Variants in EXOC2 observed in about 807,000 individuals in gnomAD.
EXOC2 encodes the protein SEC5-like 1.
A neutral mutation model predicts 131.8 loss-of-function variants in EXOC2; 70 were observed. The observed-to-expected ratio is 0.53, with a 90% confidence interval of 0.44 to 0.65. The LOEUF (loss-of-function observed/expected upper bound fraction) is 0.65, where lower values mean the gene tolerates loss of function less well. EXOC2 is among the 30% of genes least tolerant of loss of function. The pLI, the probability that EXOC2 is intolerant of heterozygous loss-of-function variation, is 0.00. For missense variants in EXOC2, 923 were observed against 1,108.6 expected (o/e 0.83, Z 2.38); for synonymous variants, 411 against 398.4 (o/e 1.03, Z -0.38).
At position 637,765 on chromosome 6, in the gene EXOC2, C is replaced by G; in HGVS notation, c.54G>C (p.Gly18=). ...TGATTGTGACCTTCGTCCATGGTAT[C>G]CCTTCATTTGGAGAGATGCCGGTCA... ...PLVTGISPNE[G]IPWTKVTIRG... The change falls in exon 2 of 28, where the codon GGG becomes GGC. Residue 18 remains glycine, a synonymous_variant. Coordinates refer to ENST00000230449, the MANE Select transcript of EXOC2 (RefSeq NM_018303.6). The G allele has an allele frequency of 6.2e-7, 1 of 1,613,870 alleles. No individual in the cohort carries two copies. Among genetic ancestry groups the G allele is most frequent in the Non-Finnish European group, 8.5e-7 (1 of 1,179,912 alleles).
intron 10 of EXOC2, among the ~76,000 whole-genome samples, chr6:595,766 C>T (rs1759779410): frequency 6.6e-6 from 1 of 152,054 alleles, no homozygotes; most frequent in Non-Finnish European, 1.5e-5. Flanking sequence ...GGGCAGGAAA[C>T]AGCAGCCTCA....
rs1489897060 is a variant in EXOC2 at position 549,297 on chromosome 6, A to G, written c.2122-6T>C. ...ACTATCAAAAGGCGCTGTTCCTAAA[A>G]GCAAAACAAATGTTTAGAAAATCAC... On this transcript the variant is annotated splice_region_variant and splice_polypyrimidine_tract_variant and intron_variant, in intron 21 of 27. Transcript: ENST00000230449. The G allele has an allele frequency of 3.7e-6, 6 of 1,605,552 alleles. No homozygotes were observed. The highest frequency in any genetic ancestry group is 5.1e-6 in the Non-Finnish European group (6 of 1,172,528).
intron 11 of EXOC2, among the ~76,000 whole-genome samples, chr6:588,725 C>T (rs1414755434): frequency 2.6e-5 from 4 of 152,098 alleles, no homozygotes; most frequent in African/African-American, 9.7e-5. Context: ...CACATTCTTT[C>T]GATTATTTCC....
intron 13 of EXOC2, among the ~76,000 whole-genome samples, chr6:566,665 C>T (rs551280742): frequency 6.6e-6 from 1 of 151,692 alleles, no homozygotes; most frequent in South Asian, 2.1e-4. Context: ...CTACATGTTG[C>T]AGTTTGTTAG....
intron 25 of EXOC2, among the ~76,000 whole-genome samples, chr6:496,640 T>C (rs966540997): frequency 2.0e-5 from 3 of 152,224 alleles, no homozygotes; most frequent in Non-Finnish European, 2.9e-5. Context: ...AAGAAATTCA[T>C]GCGGGTGCCA....
intron 1 of EXOC2, chr6:657,020 C>G: frequency 7.9e-7 from 1 of 1,258,352 alleles, no homozygotes; most frequent in African/African-American, 1.6e-5. Flanking sequence ...CCGCTGGGGT[C>G]CGTGGCGCTG....
intron 23 of EXOC2, among the ~76,000 whole-genome samples, chr6:517,326 G>C (rs955486923): frequency 6.6e-6 from 1 of 152,018 alleles, no homozygotes; most frequent in Non-Finnish European, 1.5e-5. Flanking sequence ...CTCCCACAAA[G>C]AGGGCACAAC....
In EXOC2 at chr6:564,739, G is replaced by A. The variant is rs1757881467; in HGVS notation, c.1510-37C>T. The A allele has an allele frequency of 6.3e-6, 10 of 1,576,150 alleles. No homozygotes were observed. In the East Asian group the frequency reaches 2.3e-4, roughly 35 times the overall value. On this transcript the variant is annotated intron_variant, in intron 14 of 27. Transcript: ENST00000230449. ...GGAACAAGCATAACCGTGTTCAAATGTGATTAATCGGGTTACATTAACTAA... is the reference window on the plus strand; with the variant it reads ...GGAACAAGCATAACCGTGTTCAAATATGATTAATCGGGTTACATTAACTAA...
intron 1 of EXOC2, among the ~76,000 whole-genome samples, chr6:671,951 G>C (rs541656174): frequency 6.6e-6 from 1 of 151,928 alleles, no homozygotes; most frequent in East Asian, 1.9e-4. Flanking sequence ...CTTGCCTACT[G>C]TTCTCTGAGC....
chr6:538,527 A>G (rs1426920403), intron 22 of EXOC2, among the ~76,000 whole-genome samples: 1 of 152,214 alleles, frequency 6.6e-6, no homozygotes, highest in African/African-American at 2.4e-5. Context: ...GGAGCGCTAA[A>G]GGGTCACTGA....
intron 23 of EXOC2, among the ~76,000 whole-genome samples, chr6:517,652 T>C (rs566165351): frequency 6.6e-6 from 1 of 152,284 alleles, no homozygotes; most frequent in South Asian, 2.1e-4. Flanking sequence ...AAGTTTATGG[T>C]GAACTTTTAA....
chr6:636,656 C>T lies in EXOC2; in HGVS notation c.118+1045G>A, dbSNP rs372811839. 5.3e-4 allele frequency among the ~76,000 whole-genome samples: 81 copies of T among 152,260 alleles called. 1 individual carries two copies. Among genetic ancestry groups the T allele is most frequent in the East Asian group, 9.7e-4 (5 of 5,176 alleles). ...GATTTCAGAACCTTAGTAACAGCTC[C>T]GTCATCAGTGCAGAAATGAGTCAAG... On this transcript the variant is annotated intron_variant, in intron 2 of 27. Transcript: ENST00000230449.
At chr6:582,036 C>CTT (rs1404162495) in intron 11 of EXOC2, among the ~76,000 whole-genome samples, 1 of 152,126 alleles carries the variant, frequency 6.6e-6, no homozygotes, top group Non-Finnish European at 1.5e-5. Context: ...ATGAAACAAT[C>CTT]CTAGTCACTT....
chr6:657,094 G>A (rs1397203057), intron 1 of EXOC2: 27 of 614,702 alleles, frequency 4.4e-5, no homozygotes, highest in African/African-American at 7.7e-5. Context: ...TTGCGGTTGC[G>A]GGTTCTGTTG....
chr6:545,079 G>A (rs1257724278), intron 22 of EXOC2, among the ~76,000 whole-genome samples: 7 of 149,826 alleles, frequency 4.7e-5, no homozygotes, highest in Admixed American at 1.3e-4. Flanking sequence ...CCCGGGAAGC[G>A]GAGCTTGCAG....
chr6:651,470 A>G (rs1345727664), intron 1 of EXOC2, among the ~76,000 whole-genome samples: 2 of 151,812 alleles, frequency 1.3e-5, no homozygotes, highest in Non-Finnish European at 1.5e-5. Flanking sequence ...CCTGGCCAAC[A>G]TGGTGAAACC....
At chr6:637,374 G>T (rs1020106975) in intron 2 of EXOC2, among the ~76,000 whole-genome samples, 2 of 152,124 alleles carry the variant, frequency 1.3e-5, no homozygotes, top group African/African-American at 4.8e-5. Flanking sequence ...GTCAGACAAG[G>T]GAAGGAAAAC....
At chr6:548,300 TA>T (rs1756965755) in intron 22 of EXOC2, among the ~76,000 whole-genome samples, 2 of 152,210 alleles carry the variant, frequency 1.3e-5, no homozygotes. Flanking sequence ...CCACCATTTA[TA>T]AAAAGTAGGT....
chr6:614,592 T>C (rs577612674), intron 6 of EXOC2, among the ~76,000 whole-genome samples: 22 of 152,312 alleles, frequency 1.4e-4, no homozygotes, highest in African/African-American at 5.3e-4. Context: ...GAGGGTAATC[T>C]TGGGGACTAC....
Sources: allele counts gnomAD v4.1 joint callset (sites outside exome capture counted in the v4.1 genomes callset), GRCh38; gene constraint gnomAD v4.1.1; transcripts MANE v1.5; gene names NCBI Gene and HGNC (gene_info 2026-07-23, HGNC 2026-07-21).